The following DEPDC7 variants were observed in gnomAD, a reference collection of about 807,000 sequenced individuals.
The protein encoded by DEPDC7 is DEP domain-containing protein 7.
DEPDC7 carries 41 observed loss-of-function variants against 56.6 expected under a neutral mutation model. The observed-to-expected ratio is 0.72, with a 90% CI of 0.56 to 0.94. The LOEUF is 0.94. Ranked by LOEUF, DEPDC7 falls within the 40% of genes least tolerant of loss-of-function variation. The pLI is 0.00. For synonymous variants in DEPDC7, 185 were observed against 208.8 expected (o/e 0.89, Z 0.98); for missense variants, 522 against 596.3 (o/e 0.88, Z 1.30).
At chr11:33,029,489 CAAA>C (rs10610753) in intron 4 of DEPDC7, among the ~76,000 whole-genome samples, 132 of 93,196 alleles carry the variant, frequency 1.4e-3, no homozygotes, top group Middle Eastern at 5.4e-3. Context: ...GAGAATGTCT[CAAA>C]AAAAAAAAAA....
chr11:33,016,002 T>C lies in DEPDC7; in HGVS notation c.47T>C (p.Leu16Pro), dbSNP rs1187622256. 1 of 1,564,634 alleles carries C rather than the reference T, an allele frequency of 6.4e-7. No homozygotes were observed. Among genetic ancestry groups the C allele is most frequent in the Admixed American group, 1.9e-5 (1 of 53,744 alleles). Residue 16 changes from leucine to proline, a missense_variant, in exon 1 of 9, where the codon CTC (leucine) becomes CCC (proline). Physicochemically the swap from Leu to Pro is moderately conservative, Grantham distance 98. Coordinates refer to ENST00000241051, the MANE Select transcript of DEPDC7 (RefSeq NM_001077242.2). The stretch of plus-strand genomic sequence containing the variant: ...GCTGCTGCGCTGAACCTCTCGGCTC[T>C]CCACAGCCCCGCGCACAGGCCTCCG... ...EKAAALNLSA[L>P]HSPAHRPPGF...
chr11:33,033,362 G>C lies in DEPDC7; in HGVS notation c.1443G>C (p.Glu481Asp). 1 of 1,611,366 alleles carries C rather than the reference G, an allele frequency of 6.2e-7. No individual in the cohort carries two copies. Among genetic ancestry groups the C allele is most frequent in the South Asian group, 1.1e-5 (1 of 90,638 alleles). Residue 481 changes from glutamate to aspartate, a missense_variant, in exon 9 of 9, where the codon GAG (glutamate) becomes GAC (aspartate). Physicochemically the swap from Glu to Asp is conservative, Grantham distance 45. Transcript: ENST00000241051. ...ELLNLLKTLD[E>D]DSKLSAKEKK... The stretch of plus-strand genomic sequence containing the variant: ...TGAATTTACTAAAAACTCTTGATGA[G>C]GATTCAAAACTTTCTGCCAAAGAGA...
rs142260268 is a variant in DEPDC7 at position 33,024,448 on chromosome 11, G to A, written c.74-1211G>A. Among the ~76,000 whole-genome samples, 9 of 152,220 alleles carry A rather than the reference G, an allele frequency of 5.9e-5. No individual in the cohort carries two copies. In the East Asian group the frequency reaches 1.7e-3, roughly 29 times the overall value. ...TATCAATGTGTATGTGTGTGTGTGT[G>A]TATACAATCATGCGTAGTGTAATGA... is the stretch of plus-strand genomic sequence containing the variant. On this transcript the variant is annotated intron_variant, in intron 1 of 8. Coordinates refer to ENST00000241051, the MANE Select transcript of DEPDC7 (RefSeq NM_001077242.2).
chr11:33,016,206 C>G (rs891300049), intron 1 of DEPDC7, 178 bp downstream of exon 1: 1 of 1,279,500 alleles, frequency 7.8e-7, no homozygotes, highest in East Asian at 3.1e-5. Context: ...GCGGGCGGAT[C>G]GAGTTCCTCT....
At chr11:33,017,764 CACTT>C (rs1450577700) in intron 1 of DEPDC7, among the ~76,000 whole-genome samples, 1 of 152,182 alleles carries the variant, frequency 6.6e-6, no homozygotes, top group Non-Finnish European at 1.5e-5. Context: ...TAGTAACTCT[CACTT>C]ACCTTAAAGG....
At chr11:33,017,266 A>C (rs1486076423) in intron 1 of DEPDC7, among the ~76,000 whole-genome samples, 1 of 152,210 alleles carries the variant, frequency 6.6e-6, no homozygotes, top group East Asian at 1.9e-4. Context: ...TTTAAAACCA[A>C]ATGACATTGA....
chr11:33,016,026 C>A lies in DEPDC7; in HGVS notation c.71C>A (p.Pro24Gln). The change falls in exon 1 of 9, where the codon CCG becomes CAG. Residue 24 changes from proline (P) to glutamine (Q), a missense_variant and splice_region_variant. Coordinates refer to ENST00000241051, the MANE Select transcript of DEPDC7 (RefSeq NM_001077242.2). ...CTCCACAGCCCCGCGCACAGGCCTC[C>A]GGGTAGGTGCCGAGGACTGCCGCCT... is the stretch of plus-strand genomic sequence containing the variant. Reference protein sequence around the residue: ...SALHSPAHRPPGFSVAQKPFG... With the variant: ...SALHSPAHRPQGFSVAQKPFG... 6.5e-7 allele frequency: 1 copy of A among 1,529,616 alleles called. No individual in the cohort carries two copies. Among genetic ancestry groups the A allele is most frequent in the Non-Finnish European group, 8.8e-7 (1 of 1,137,992 alleles). 94.8% of individuals were successfully genotyped at this position (1,529,616 alleles called of 1,614,324 possible).
intron 6 of DEPDC7, 33 bp downstream of exon 6, chr11:33,032,511 A>G (rs377139724): frequency 5.3e-5 from 81 of 1,518,114 alleles, no homozygotes; most frequent in Admixed American, 1.4e-4. Flanking sequence ...AGTTGTATTT[A>G]ATATCCTTAA....
chr11:33,030,960 A>T (rs12287906), intron 4 of DEPDC7, among the ~76,000 whole-genome samples: 2 of 152,208 alleles, frequency 1.3e-5, no homozygotes, highest in Non-Finnish European at 2.9e-5. Flanking sequence ...TCATAGACAG[A>T]GGTCTGAAGT....
chr11:33,027,743 G>C lies in DEPDC7; in HGVS notation c.522G>C (p.Leu174=). ...TCAGATCAGCCAGTTTAGAGGACCTGTGGGAAAATCTGAGTTTAAAGCCTG... is the reference window on the plus strand; with the variant it reads ...TCAGATCAGCCAGTTTAGAGGACCTCTGGGAAAATCTGAGTTTAAAGCCTG... ...SDIRSASLED[L]WENLSLKPAN... The change falls in exon 3 of 9, where the codon CTG becomes CTC. Residue 174 remains leucine, a synonymous_variant. Coordinates refer to ENST00000241051, the MANE Select transcript of DEPDC7 (RefSeq NM_001077242.2). 6.3e-7 allele frequency: 1 copy of C among 1,577,094 alleles called. No individual in the cohort carries two copies. Among genetic ancestry groups the C allele is most frequent in the Non-Finnish European group, 8.6e-7 (1 of 1,166,748 alleles).
intron 1 of DEPDC7, among the ~76,000 whole-genome samples, chr11:33,020,321 A>G (rs1358416001): frequency 6.6e-6 from 1 of 152,174 alleles, no homozygotes; most frequent in Non-Finnish European, 1.5e-5. Context: ...ACTTTTGGTA[A>G]ACGTTTTTTA....
In DEPDC7 at chr11:33,015,951, G is replaced by A. The variant is rs1438710113; in HGVS notation, c.-5G>A. On this transcript the variant is annotated 5_prime_UTR_variant, in exon 1 of 9. Transcript: ENST00000241051. ...GGAGGAGTTGGCGTCCGGGGAGCAA[G>A]GGCCATGGCCACCGTGCAGGAGAAG... 1.3e-6 allele frequency: 2 copies of A among 1,573,960 alleles called. No individual in the cohort carries two copies. Among genetic ancestry groups the A allele is most frequent in the Non-Finnish European group, 1.7e-6 (2 of 1,160,616 alleles).
At position 33,025,966 on chromosome 11, in the gene DEPDC7, T is replaced by C. The variant is rs1486252708; in HGVS notation, c.381T>C (p.Ser127=). 2 of 1,614,112 alleles carry C rather than the reference T, an allele frequency of 1.2e-6. No individual in the cohort carries two copies. Among genetic ancestry groups the C allele is most frequent in the Non-Finnish European group, 8.5e-7 (1 of 1,180,014 alleles). Residue 127 remains serine (S), a synonymous_variant, in exon 2 of 9, where the codon AGT becomes AGC. Transcript: ENST00000241051. ...ACAAAAAACCTACATTTGAAGATAG[T>C]AGTTGCAGCCTTTATAGATTCACCA... is the stretch of plus-strand genomic sequence containing the variant. ...GKDKKPTFED[S]SCSLYRFTTI... is the part of the protein sequence containing the mutation.
intron 1 of DEPDC7, among the ~76,000 whole-genome samples, chr11:33,016,851 A>G (rs1853468814): frequency 6.6e-6 from 1 of 152,226 alleles, no homozygotes; most frequent in Admixed American, 6.5e-5. Context: ...AGATACTCAG[A>G]TAACCCTTGG....
Position 33,031,526 on chromosome 11 carries a change from A to G in DEPDC7, c.931A>G (p.Ser311Gly). 1.2e-6 allele frequency: 2 copies of G among 1,614,176 alleles called. No homozygotes were observed. Among genetic ancestry groups the G allele is most frequent in the African/African-American group, 1.3e-5 (1 of 75,074 alleles). ...GTTTGATGCCATTGGCAGATATTAC[A>G]GTAGTAGGGAACCTCTGTTAAATCA... The part of the protein sequence containing the change: ...LLFDAIGRYY[S>G]SREPLLNHLS... The change falls in exon 5 of 9, where the codon AGT (serine) becomes GGT (glycine). Residue 311 changes from serine to glycine, a missense_variant. Ser to Gly is a moderately conservative substitution (Grantham distance 56, BLOSUM62 0). Coordinates refer to ENST00000241051, the MANE Select transcript of DEPDC7 (RefSeq NM_001077242.2).
At chr11:33,033,178 TAAAGAC>T in intron 8 of DEPDC7, 78 bp from the exon 9 acceptor site, 8 of 1,146,442 alleles carry the variant, frequency 7.0e-6, no homozygotes, top group Non-Finnish European at 9.9e-6. Context: ...AAGAAAAACA[TAAAGAC>T]AAGAATATTG....
rs888419252 is a variant in DEPDC7, at chr11:33,025,934, G to A, written c.349G>A (p.Gly117Arg). The A allele has an allele frequency of 6.2e-7, 1 of 1,613,846 alleles. No homozygotes were observed. ...VFEAVPTKVF[G>R]KDKKPTFEDS... ...TGAAGCAGTTCCAACCAAAGTCTTT[G>A]GAAAAGACAAAAAACCTACATTTGA... The change falls in exon 2 of 9, where the codon GGA becomes AGA. Residue 117 changes from glycine (G) to arginine (R), a missense_variant. Gly to Arg is a moderately radical substitution (Grantham distance 125). Transcript: ENST00000241051.
Position 33,032,363 on chromosome 11 carries a change from A to C in DEPDC7, c.1022A>C (p.Glu341Ala), listed in dbSNP as rs1025816823. The change falls in exon 6 of 9, where the codon GAA (glutamate) becomes GCA (alanine). Residue 341 changes from glutamate (E) to alanine (A), a missense_variant. By Grantham distance (107) the Glu-to-Ala change is moderately radical. Coordinates refer to ENST00000241051, the MANE Select transcript of DEPDC7 (RefSeq NM_001077242.2). ...LVNGKTEIAL[E>A]ATQLLLKLLD... is the part of the protein sequence containing the mutation. ...AATGGGAAGACGGAAATAGCTTTAG[A>C]AGCTACCCAGCTCCTTCTAAAGCTT... The C allele has an allele frequency of 1.9e-6, 3 of 1,565,910 alleles. No homozygotes were observed. The African/African-American group carries it at 4.2e-5, about 22-fold the overall frequency.
At chr11:33,031,108 A>G (rs10836007) in intron 4 of DEPDC7, among the ~76,000 whole-genome samples, 45,962 of 152,022 alleles carry the variant, frequency 0.3, 7,203 homozygotes, top group East Asian at 0.41. Flanking sequence ...TTGAATTTGT[A>G]CGCTCTTTTC....
Sources: allele counts gnomAD v4.1 joint callset (sites outside exome capture counted in the v4.1 genomes callset), GRCh38; gene constraint gnomAD v4.1.1; transcripts MANE v1.5; gene names NCBI Gene and HGNC (gene_info 2026-07-23, HGNC 2026-07-21).